The following MIPOL1 variants were observed in gnomAD, a reference collection of about 807,000 sequenced individuals.
The protein encoded by MIPOL1 is mirror-image polydactyly gene 1 protein.
MIPOL1 carries 57 observed loss-of-function variants against 60.9 expected under a neutral mutation model. That is an observed-to-expected ratio of 0.94 (90% CI 0.76 to 1.17). MIPOL1 has a LOEUF of 1.17. MIPOL1 is among the 50% of genes most tolerant of loss of function. The probability of loss-of-function intolerance (pLI) is 0.00; values close to 1 mark genes in which losing one functional copy is unlikely to be tolerated. For missense variants in MIPOL1, 551 were observed against 511.6 expected (o/e 1.08, Z -0.74); for synonymous variants, 179 against 168.8 (o/e 1.06, Z -0.47).
At chr14:37,205,681 A>C (rs1191697486) in intron 1 of MIPOL1, among the ~76,000 whole-genome samples, 1 of 151,958 alleles carries the variant, frequency 6.6e-6, no homozygotes, top group East Asian at 1.9e-4. Context: ...AAGTGATCTC[A>C]TTGTTCAGTT....
intron 10 of MIPOL1, among the ~76,000 whole-genome samples, chr14:37,391,844 A>G (rs1359124481): frequency 6.6e-6 from 1 of 152,208 alleles, no homozygotes; most frequent in East Asian, 1.9e-4. Context: ...ATATATTTAT[A>G]TTAGACTGTT....
At chr14:37,208,252 C>T (rs947113386) in intron 1 of MIPOL1, among the ~76,000 whole-genome samples, 4 of 152,032 alleles carry the variant, frequency 2.6e-5, no homozygotes, top group Admixed American at 6.6e-5. Flanking sequence ...TTATAAGTTT[C>T]GGAAGCTGCT....
chr14:37,210,982 A>G (rs892500516), intron 1 of MIPOL1, among the ~76,000 whole-genome samples: 5 of 152,230 alleles, frequency 3.3e-5, no homozygotes, highest in African/African-American at 4.8e-5. Flanking sequence ...AATTTCTCCT[A>G]TGATTATCTT....
At chr14:37,463,292 T>C (rs142563374) in intron 11 of MIPOL1, among the ~76,000 whole-genome samples, 2 of 152,246 alleles carry the variant, frequency 1.3e-5, no homozygotes, top group African/African-American at 4.8e-5. Flanking sequence ...CCCACCCCCG[T>C]AACTTAATCA....
chr14:37,401,189 ATT>A (rs1469996726), intron 10 of MIPOL1: 1 of 152,098 alleles, frequency 6.6e-6, no homozygotes, highest in East Asian at 1.9e-4. Flanking sequence ...GCAAAACATA[ATT>A]TGTGGAAAAT....
intron 11 of MIPOL1, among the ~76,000 whole-genome samples, chr14:37,446,351 A>G (rs1370279206): frequency 1.3e-5 from 2 of 152,208 alleles, no homozygotes; most frequent in African/African-American, 4.8e-5. Context: ...CATCAGAGAA[A>G]TGCAAATCAA....
intron 10 of MIPOL1, among the ~76,000 whole-genome samples, chr14:37,395,237 T>C (rs1595573764): frequency 6.6e-6 from 1 of 152,168 alleles, no homozygotes; most frequent in African/African-American, 2.4e-5. Flanking sequence ...GCGTGCTCTT[T>C]TTTGGTTCCA....
chr14:37,429,474 A>G (rs2153557762), intron 11 of MIPOL1, among the ~76,000 whole-genome samples: 1 of 152,250 alleles, frequency 6.6e-6, no homozygotes, highest in South Asian at 2.1e-4. Flanking sequence ...ACATTTTAGA[A>G]CAAAAATGTT....
At chr14:37,235,636 G>A (rs1044474359) in intron 1 of MIPOL1, among the ~76,000 whole-genome samples, 2 of 152,082 alleles carry the variant, frequency 1.3e-5, no homozygotes, top group African/African-American at 4.8e-5. Context: ...GGATAGTTCA[G>A]TGGCATTAAG....
At chr14:37,483,320 G>T (rs2153600090) in intron 11 of MIPOL1, among the ~76,000 whole-genome samples, 1 of 152,002 alleles carries the variant, frequency 6.6e-6, no homozygotes, top group Non-Finnish European at 1.5e-5. Flanking sequence ...TTGCCACGTT[G>T]ACCAGACTGG....
intron 11 of MIPOL1, among the ~76,000 whole-genome samples, chr14:37,482,244 C>G (rs2153599436): frequency 6.6e-6 from 1 of 152,116 alleles, no homozygotes; most frequent in African/African-American, 2.4e-5. Flanking sequence ...ACAAAACACC[C>G]AGTTTAAAAA....
At chr14:37,536,108 G>A (rs906721056) in intron 12 of MIPOL1, among the ~76,000 whole-genome samples, 2 of 152,102 alleles carry the variant, frequency 1.3e-5, no homozygotes, top group Admixed American at 1.3e-4. Flanking sequence ...GGGGGAAAGG[G>A]CTGAATTAGA....
Position 37,505,023 on chromosome 14 carries a change from G to A in MIPOL1, c.1262+4885G>A, listed in dbSNP as rs566088262. 3 of 152,074 alleles carry A rather than the reference G, an allele frequency of 2.0e-5. No individual in the cohort carries two copies. In the East Asian group the frequency reaches 5.8e-4, roughly 29 times the overall value. 9.4% of individuals were successfully genotyped at this position (152,074 alleles called of 1,614,324 possible). On this transcript the variant is annotated intron_variant, in intron 12 of 12. Transcript: ENST00000684589. ...TCTAGAAGAAATGGATAAATTCCTGGACACATACACCCTCCCAAGACTAAC... is the reference window on the plus strand; with the variant it reads ...TCTAGAAGAAATGGATAAATTCCTGAACACATACACCCTCCCAAGACTAAC...
intron 4 of MIPOL1, among the ~76,000 whole-genome samples, chr14:37,268,266 C>T (rs1305249856): frequency 2.0e-5 from 3 of 152,056 alleles, no homozygotes; most frequent in Non-Finnish European, 2.9e-5. Flanking sequence ...CAGATTCTTA[C>T]TAAGGTGTAG....
Position 37,547,635 on chromosome 14 carries a change from AGAG to A in MIPOL1, c.*668_*670del, listed in dbSNP as rs1434337725. 2 of 152,610 alleles carry A rather than the reference AGAG, an allele frequency of 1.3e-5. No individual in the cohort carries two copies. The highest frequency in any genetic ancestry group is 4.8e-5 in the African/African-American group (2 of 41,450). The allele number at this position is 152,610 out of a possible 1,614,324, so 9.5% of individuals were successfully genotyped here. On this transcript the variant is annotated 3_prime_UTR_variant, in exon 13 of 13. Transcript: ENST00000684589. ...ATAATGCAAACTGTTTTCAATAAAA[AGAG>A]GAGACTGTTAATGTGTACTTATAAA...
chr14:37,539,153 G>A (rs1189445791), intron 12 of MIPOL1, among the ~76,000 whole-genome samples: 1 of 151,978 alleles, frequency 6.6e-6, no homozygotes, highest in Non-Finnish European at 1.5e-5. Context: ...AGTGAGCCGA[G>A]ATCGTGCCAC....
chr14:37,268,719 T>A lies in MIPOL1; in HGVS notation c.313T>A (p.Ser105Thr). The change falls in exon 5 of 13, where the codon TCA becomes ACA. Residue 105 changes from serine (S) to threonine (T), a missense_variant. Ser to Thr is a moderately conservative substitution (Grantham distance 58). Transcript: ENST00000684589. ...YECMTPCQVT[S>T]DSDKEKTIAF... ...ATGTATGACTCCTTGTCAAGTTACT[T>A]CAGACTCAGATAAAGAGAAGACAAT... is the stretch of plus-strand genomic sequence containing the variant. 1 of 1,601,758 alleles carries A rather than the reference T, an allele frequency of 6.2e-7. No homozygotes were observed. The highest frequency in any genetic ancestry group is 8.5e-7 in the Non-Finnish European group (1 of 1,171,648).
intron 11 of MIPOL1, among the ~76,000 whole-genome samples, chr14:37,451,802 TTC>T (rs1237092416): frequency 2.1e-4 from 27 of 125,770 alleles, no homozygotes; most frequent in African/African-American, 7.3e-4. Context: ...CTTTTGTTTA[TTC>T]TCTCTTTTTT....
chr14:37,453,926 A>G (rs964741321), intron 11 of MIPOL1, among the ~76,000 whole-genome samples: 1 of 152,178 alleles, frequency 6.6e-6, no homozygotes, highest in Non-Finnish European at 1.5e-5. Flanking sequence ...CAAATTCAAG[A>G]TTTGAATGGT....
Sources: gnomAD v4.1 joint callset for allele counts (sites outside exome capture counted in the v4.1 genomes callset) on GRCh38, gnomAD v4.1.1 for gene constraint, MANE v1.5 for transcripts, NCBI Gene and HGNC (gene_info 2026-07-23, HGNC 2026-07-21) for gene names.